The following AKAP13 variants were observed in gnomAD, a reference collection of about 807,000 sequenced individuals.
AKAP13 encodes the protein A-kinase anchoring protein 13, also known as A-kinase anchor protein 13.
Under a neutral mutation model 264.5 loss-of-function variants are expected in AKAP13, and 80 were observed. That is an observed-to-expected ratio of 0.30 (90% CI 0.25 to 0.36). The LOEUF (loss-of-function observed/expected upper bound fraction) is 0.36, where lower values mean the gene tolerates loss of function less well. AKAP13 is among the 10% of genes least tolerant of loss of function. AKAP13 has a pLI of 1.00. For synonymous variants in AKAP13, 1,380 were observed against 1,250.2 expected (o/e 1.10, Z -2.19); for missense variants, 3,712 against 3,435.2 (o/e 1.08, Z -2.01).
Position 85,718,318 on chromosome 15 carries a change from T to C in AKAP13, c.6001+159T>C, listed in dbSNP as rs1181268023. Among the ~76,000 whole-genome samples the C allele has an allele frequency of 2.6e-5, 4 of 152,248 alleles. No homozygotes were observed. Among genetic ancestry groups the C allele is most frequent in the Non-Finnish European group, 4.4e-5 (3 of 68,048 alleles). The stretch of plus-strand genomic sequence containing the variant: ...AGGTACAGAGACGTGGTCCTGTTGG[T>C]ATCCTATCTCCTTTTTGCCCCACTC... On this transcript the variant is annotated intron_variant, in intron 22 of 36. Transcript: ENST00000394518. The surrounding 1 kb of genome is among the most constrained non-coding windows in gnomAD (Gnocchi z 4.9).
At position 85,613,696 on chromosome 15, in the gene AKAP13, A is replaced by ATGTATG. The variant is rs1567155725; in HGVS notation, c.4162-25677_4162-25676insGTATGT. Among the ~76,000 whole-genome samples, 123 of 86,244 alleles carry ATGTATG rather than the reference A, an allele frequency of 1.4e-3. 2 individuals are homozygous for ATGTATG. Among genetic ancestry groups the ATGTATG allele is most frequent in the Non-Finnish European group, 2.3e-3 (94 of 41,304 alleles). The allele number at this position is 86,244 out of a possible 152,430, so 56.6% of individuals were successfully genotyped here. A position where few individuals can be genotyped will look rare whatever the true frequency, so the allele number is the denominator to read the frequency against. On this transcript the variant is annotated intron_variant, in intron 8 of 36. Transcript: ENST00000394518. ...ACTCCGTCTAAAAAAAAAAAAATAT[A>ATGTATG]TATATATATATATATATTAGGAGTG...
intron 5 of AKAP13, among the ~76,000 whole-genome samples, chr15:85,572,073 G>GT (rs2151292146): frequency 6.6e-6 from 1 of 152,316 alleles, no homozygotes; most frequent in African/African-American, 2.4e-5. Context: ...AAATGGAACA[G>GT]TTTGAGAATT....
chr15:85,398,282 C>T (rs1348297313), intron 1 of AKAP13, among the ~76,000 whole-genome samples: 2 of 152,178 alleles, frequency 1.3e-5, no homozygotes, highest in African/African-American at 2.4e-5. Context: ...TTATGAAAGA[C>T]ATTTTTAATA....
chr15:85,402,558 A>G (rs945683428), intron 1 of AKAP13, among the ~76,000 whole-genome samples: 2 of 152,240 alleles, frequency 1.3e-5, no homozygotes, highest in South Asian at 2.1e-4. Context: ...CAACTAAGCA[A>G]TTAGAAATTA....
At chr15:85,412,880 A>G (rs1257497863) in intron 1 of AKAP13, among the ~76,000 whole-genome samples, 1 of 152,224 alleles carries the variant, frequency 6.6e-6, no homozygotes, top group Non-Finnish European at 1.5e-5. Context: ...CACCGTACCT[A>G]TATTATCTCC....
At chr15:85,640,296 T>G (rs2082253323) in intron 9 of AKAP13, among the ~76,000 whole-genome samples, 1 of 152,176 alleles carries the variant, frequency 6.6e-6, no homozygotes, top group Admixed American at 6.5e-5. Flanking sequence ...TTTTTTAGTC[T>G]GTTTTACCCA....
intron 1 of AKAP13, among the ~76,000 whole-genome samples, chr15:85,458,882 C>A (rs1048783919): frequency 1.3e-5 from 2 of 152,160 alleles, no homozygotes; most frequent in African/African-American, 4.8e-5. Flanking sequence ...TTCTATCACT[C>A]CAGCCTTTCT....
chr15:85,484,653 C>T (rs1293097393), intron 1 of AKAP13, among the ~76,000 whole-genome samples: 15 of 152,028 alleles, frequency 9.9e-5, no homozygotes, highest in Admixed American at 2.6e-4. Flanking sequence ...AGTCTTGATC[C>T]GAGACATACA....
intron 3 of AKAP13, among the ~76,000 whole-genome samples, chr15:85,527,302 T>C (rs1325166662): frequency 6.6e-6 from 1 of 152,140 alleles, no homozygotes; most frequent in Non-Finnish European, 1.5e-5. Flanking sequence ...TTTCATAACT[T>C]TGGAACCATG....
chr15:85,593,459 C>T (rs954601500), intron 8 of AKAP13, among the ~76,000 whole-genome samples: 43 of 151,558 alleles, frequency 2.8e-4, no homozygotes, highest in Non-Finnish European at 2.1e-4. Context: ...ATCTTGAACT[C>T]CTGGGCACAA....
At chr15:85,412,451 A>G (rs2072019499) in intron 1 of AKAP13, among the ~76,000 whole-genome samples, 1 of 152,242 alleles carries the variant, frequency 6.6e-6, no homozygotes, top group Non-Finnish European at 1.5e-5. Context: ...ATTTGCCAAA[A>G]TGTAAAACAG....
At chr15:85,485,591 A>G (rs4632086) in intron 1 of AKAP13, 119 bp from the exon 2 acceptor site, 91,910 of 773,512 alleles carry the variant, frequency 0.12, 7,422 homozygotes, top group East Asian at 0.33. Flanking sequence ...GGCATATGGT[A>G]ATCTCGGGCA....
At chr15:85,567,930 T>G (rs2078662225) in intron 5 of AKAP13, among the ~76,000 whole-genome samples, 1 of 138,022 alleles carries the variant, frequency 7.2e-6, no homozygotes, top group African/African-American at 2.8e-5. Flanking sequence ...ACCTATTAAA[T>G]AGCCCAAAGA....
chr15:85,614,226 C>T (rs1422121691), intron 8 of AKAP13, among the ~76,000 whole-genome samples: 1 of 152,090 alleles, frequency 6.6e-6, no homozygotes, highest in African/African-American at 2.4e-5. Flanking sequence ...AATCATGATT[C>T]GAAAGAGAAG....
intron 8 of AKAP13, among the ~76,000 whole-genome samples, chr15:85,614,881 A>G (rs188561883): frequency 6.6e-6 from 1 of 152,342 alleles, no homozygotes; most frequent in East Asian, 1.9e-4. Context: ...GCACCTGGCA[A>G]ACAGGAGGTA....
At chr15:85,400,675 A>G (rs927531464) in intron 1 of AKAP13, among the ~76,000 whole-genome samples, 7 of 152,024 alleles carry the variant, frequency 4.6e-5, no homozygotes, top group African/African-American at 1.7e-4. Flanking sequence ...AGTAGGAAGA[A>G]CTAGTTGTAT....
At position 85,745,591 on chromosome 15, in the gene AKAP13, C is replaced by G. The variant is rs551738223; in HGVS notation, c.*914C>G. The G allele has an allele frequency of 6.6e-6, 1 of 152,284 alleles. No individual in the cohort carries two copies. Among genetic ancestry groups the G allele is most frequent in the East Asian group, 1.9e-4 (1 of 5,182 alleles). The allele number at this position is 152,284 out of a possible 1,614,324, so 9.4% of individuals were successfully genotyped here. A position where few individuals can be genotyped will look rare whatever the true frequency, so the allele number is the denominator to read the frequency against. On this transcript the variant is annotated 3_prime_UTR_variant, in exon 37 of 37. Transcript: ENST00000394518. Reference sequence around the variant, plus strand: ...CTGACCACTCAGAAGGGGCCACGGCCTCCTGGCTGTGTTCCTGAGCCCCCG... The same window carrying G: ...CTGACCACTCAGAAGGGGCCACGGCGTCCTGGCTGTGTTCCTGAGCCCCCG...
intron 36 of AKAP13, chr15:85,744,412 T>C: frequency 1.8e-6 from 1 of 555,358 alleles, no homozygotes; most frequent in East Asian, 3.3e-5. Flanking sequence ...ATTCTAGTGA[T>C]TATTTAAAAG....
At chr15:85,739,350 C>T (rs1327138726) in intron 33 of AKAP13, among the ~76,000 whole-genome samples, 1 of 152,088 alleles carries the variant, frequency 6.6e-6, no homozygotes, top group African/African-American at 2.4e-5. Context: ...TTTTATTTTG[C>T]ATTTATTTGA....
Sources: gnomAD v4.1 joint callset for allele counts (sites outside exome capture counted in the v4.1 genomes callset) on GRCh38, gnomAD v4.1.1 for gene constraint, Gnocchi (gnomAD v3.1) non-coding constraint, MANE v1.5 for transcripts, NCBI Gene and HGNC (gene_info 2026-07-23, HGNC 2026-07-21) for gene names.